Variants in LRCH1 observed in about 807,000 individuals in gnomAD.
LRCH1 encodes leucine rich repeats and calponin homology domain containing 1.
LRCH1 carries 23 observed loss-of-function variants against 94.9 expected under a neutral mutation model. That is an observed-to-expected ratio of 0.24 (90% CI 0.17 to 0.34). The LOEUF is 0.34. LRCH1 is among the 10% of genes least tolerant of loss of function. The probability of loss-of-function intolerance (pLI) is 1.00; values close to 1 mark genes in which losing one functional copy is unlikely to be tolerated. For synonymous variants in LRCH1, 364 were observed against 354.9 expected (o/e 1.03, Z -0.29); for missense variants, 790 against 945.9 (o/e 0.84, Z 2.16).
intron 1 of LRCH1, among the ~76,000 whole-genome samples, chr13:46,604,396 G>A (rs1162654311): frequency 6.6e-6 from 1 of 152,184 alleles, no homozygotes; most frequent in Non-Finnish European, 1.5e-5. Context: ...TGGGGCCTGT[G>A]CCTTCTCCCT....
intron 3 of LRCH1, among the ~76,000 whole-genome samples, chr13:46,679,022 A>G (rs957786638): frequency 3.3e-5 from 5 of 152,260 alleles, no homozygotes; most frequent in African/African-American, 1.2e-4. Flanking sequence ...TCAGTTTCAT[A>G]TTGAAAATCT....
At chr13:46,672,336 G>C (rs1159254184) in intron 3 of LRCH1, among the ~76,000 whole-genome samples, 2 of 149,020 alleles carry the variant, frequency 1.3e-5, no homozygotes, top group Non-Finnish European at 3.0e-5. Context: ...CTGACAAGTT[G>C]CTTTTTTTTT....
At chr13:46,619,064 T>TTTCCTTCCTTCCTTCCTTCCTTCCTTCC (rs764734614) in intron 1 of LRCH1, among the ~76,000 whole-genome samples, 16 of 114,718 alleles carry the variant, frequency 1.4e-4, no homozygotes, top group South Asian at 6.0e-4. Context: ...TCTTTTCTTT[T>TTTCCTTCCTTCCTTCCTTCCTTCCTTCC]TTCCTTCCTT....
At position 46,711,288 on chromosome 13, in the gene LRCH1, T is replaced by A. The variant is rs534709922; in HGVS notation, c.1528-503T>A. On this transcript the variant is annotated intron_variant, in intron 13 of 19. Coordinates refer to ENST00000389797, the MANE Select transcript of LRCH1 (RefSeq NM_001164211.2). ...CCTGCACATTTTATGACAGAAAAAA[T>A]TCATAATTTTTTCTCTTAACCAGTA... 4.7e-4 allele frequency among the ~76,000 whole-genome samples: 72 copies of A among 152,202 alleles called. 1 individual carries two copies. The highest frequency in any genetic ancestry group is 3.4e-3 in the Middle Eastern group (1 of 294).
chr13:46,682,079 G>A (rs917612530), intron 4 of LRCH1, among the ~76,000 whole-genome samples: 2 of 152,148 alleles, frequency 1.3e-5, no homozygotes, highest in East Asian at 1.9e-4. Flanking sequence ...AGGTAATGCT[G>A]TGGGGCACGG....
intron 13 of LRCH1, among the ~76,000 whole-genome samples, chr13:46,709,490 T>C (rs890038981): frequency 2.0e-5 from 3 of 152,204 alleles, no homozygotes; most frequent in Non-Finnish European, 4.4e-5. Context: ...ATTGTATTAC[T>C]CCTCTGTACT....
At chr13:46,609,836 G>T (rs1408668235) in intron 1 of LRCH1, among the ~76,000 whole-genome samples, 1 of 152,200 alleles carries the variant, frequency 6.6e-6, no homozygotes, top group Non-Finnish European at 1.5e-5. Flanking sequence ...GGGAGGCGGG[G>T]ACCAGATGGA....
In LRCH1 at chr13:46,708,651, A is replaced by G. The variant is rs538181807; in HGVS notation, c.1528-3140A>G. On this transcript the variant is annotated intron_variant, in intron 13 of 19. Transcript: ENST00000389797. ...ATTCCAATGGTTATTAGAAATTGCT[A>G]TTGTTATTCAACATTTTGGTGGTTT... 2.6e-5 allele frequency among the ~76,000 whole-genome samples: 4 copies of G among 152,312 alleles called. No individual in the cohort carries two copies. In the South Asian group the frequency reaches 6.2e-4, roughly 24 times the overall value.
intron 11 of LRCH1, among the ~76,000 whole-genome samples, chr13:46,702,985 A>G (rs925188466): frequency 1.3e-5 from 2 of 152,188 alleles, no homozygotes; most frequent in African/African-American, 4.8e-5. Flanking sequence ...GAGGGAGGCA[A>G]TGATGGTGTT....
intron 1 of LRCH1, among the ~76,000 whole-genome samples, chr13:46,648,540 A>G: frequency 6.6e-6 from 1 of 152,124 alleles, no homozygotes; most frequent in Non-Finnish European, 1.5e-5. Context: ...GAAATACTTT[A>G]CTGTTTTCAC....
At chr13:46,705,430 T>C (rs774384836) in intron 13 of LRCH1, 126 bp downstream of exon 13, 16 of 899,600 alleles carry the variant, frequency 1.8e-5, no homozygotes, top group Non-Finnish European at 2.6e-5. Flanking sequence ...TATTCAGATT[T>C]GTTCAGGACA....
chr13:46,662,509 T>C (rs1026389315), intron 2 of LRCH1, among the ~76,000 whole-genome samples: 4 of 152,248 alleles, frequency 2.6e-5, no homozygotes, highest in Non-Finnish European at 5.9e-5. Flanking sequence ...TTTTGAGCAT[T>C]CAATTCCATT....
At chr13:46,627,781 C>T (rs938015774) in intron 1 of LRCH1, among the ~76,000 whole-genome samples, 4 of 152,156 alleles carry the variant, frequency 2.6e-5, no homozygotes, top group Admixed American at 6.6e-5. Context: ...GAATAGACTT[C>T]CTTCTTTTTA....
intron 1 of LRCH1, among the ~76,000 whole-genome samples, chr13:46,609,876 C>T (rs2050728506): frequency 6.6e-6 from 1 of 152,176 alleles, no homozygotes; most frequent in Admixed American, 6.5e-5. Flanking sequence ...CAGACACACA[C>T]AGCTGCCTAC....
chr13:46,589,238 A>T (rs1042336490), intron 1 of LRCH1, among the ~76,000 whole-genome samples: 20 of 151,620 alleles, frequency 1.3e-4, no homozygotes, highest in African/African-American at 4.4e-4. Context: ...AAATCTTACC[A>T]TGTTGCCCAG....
At chr13:46,675,821 C>T (rs2051665168) in intron 3 of LRCH1, among the ~76,000 whole-genome samples, 1 of 152,162 alleles carries the variant, frequency 6.6e-6, no homozygotes, top group African/African-American at 2.4e-5. Context: ...TTCTGCCTTT[C>T]TTCTGAAGAG....
chr13:46,671,509 G>T lies in LRCH1; in HGVS notation c.579+2353G>T, dbSNP rs7983902. On this transcript the variant is annotated intron_variant, in intron 3 of 19. Coordinates refer to ENST00000389797, the MANE Select transcript of LRCH1 (RefSeq NM_001164211.2). Reference sequence around the variant, plus strand: ...AGATTGTGAAGACCGTCAGGTGCTGGGCCTGAATGGGGCTGAGGGGGCAGG... The same window carrying T: ...AGATTGTGAAGACCGTCAGGTGCTGTGCCTGAATGGGGCTGAGGGGGCAGG... Among the ~76,000 whole-genome samples the T allele has an allele frequency of 4.6e-5, 7 of 152,154 alleles. No homozygotes were observed. In the East Asian group the frequency reaches 7.7e-4, roughly 17 times the overall value.
chr13:46,629,022 G>C (rs575057925), intron 1 of LRCH1, among the ~76,000 whole-genome samples: 7 of 152,240 alleles, frequency 4.6e-5, no homozygotes, highest in African/African-American at 1.4e-4. Flanking sequence ...TTCTGAATTT[G>C]ACAGTGGTCT....
intron 16 of LRCH1, among the ~76,000 whole-genome samples, chr13:46,720,774 A>G (rs529209500): frequency 2.0e-4 from 31 of 152,328 alleles, no homozygotes; most frequent in Non-Finnish European, 3.2e-4. Flanking sequence ...GTCCCGGTGA[A>G]GTTATTCTGT....
Sources: gnomAD v4.1 joint callset for allele counts (sites outside exome capture counted in the v4.1 genomes callset) on GRCh38, gnomAD v4.1.1 for gene constraint, MANE v1.5 for transcripts, NCBI Gene and HGNC (gene_info 2026-07-23, HGNC 2026-07-21) for gene names.